Variants in UBN2 observed in about 807,000 individuals in gnomAD.
UBN2 encodes ubinuclein 2, also known as ubinuclein-2.
In UBN2, 35 loss-of-function variants were observed where a neutral mutation model predicts 120.2. That is an observed-to-expected ratio of 0.29 (90% CI 0.22 to 0.39). The LOEUF (loss-of-function observed/expected upper bound fraction) is 0.39, where lower values mean the gene tolerates loss of function less well. UBN2 is among the 10% of genes least tolerant of loss of function. The pLI, the probability that UBN2 is intolerant of heterozygous loss-of-function variation, is 1.00. For missense variants in UBN2, 1,693 were observed against 1,663.2 expected, an observed-to-expected ratio of 1.02 and a Z score of -0.31; for synonymous variants, 661 against 648.7, an observed-to-expected ratio of 1.02 and a Z score of -0.29.
At chr7:139,291,073 A>C (rs1475888290) in intron 15 of UBN2, among the ~76,000 whole-genome samples, 1 of 152,212 alleles carries the variant, frequency 6.6e-6, no homozygotes, top group Non-Finnish European at 1.5e-5. Context: ...GATCAAATTT[A>C]GATTTAGATG....
the UBN2 span, among the ~76,000 whole-genome samples, chr7:139,320,612 CT>C: frequency 6.6e-6 from 1 of 152,130 alleles, no homozygotes; most frequent in Admixed American, 6.6e-5. Flanking sequence ...AATCCCAACA[CT>C]TTGGGAGGCC....
intron 1 of UBN2, among the ~76,000 whole-genome samples, chr7:139,234,857 G>T (rs1177917187): frequency 6.6e-6 from 1 of 152,152 alleles, no homozygotes; most frequent in East Asian, 1.9e-4. Flanking sequence ...GATGAAATTT[G>T]TGAAAGACCT....
At chr7:139,294,198 G>GTTTA (rs1181264804) in intron 17 of UBN2, among the ~76,000 whole-genome samples, 1 of 152,176 alleles carries the variant, frequency 6.6e-6, no homozygotes, top group Non-Finnish European at 1.5e-5. Flanking sequence ...TTTTGAAGGT[G>GTTTA]TTTATTATGT....
At chr7:139,308,880 G>GC (rs1798408175), downstream of UBN2, among the ~76,000 whole-genome samples, 2 of 152,118 alleles carry the variant, frequency 1.3e-5, no homozygotes, top group Non-Finnish European at 1.5e-5. Flanking sequence ...GACCATCCTG[G>GC]CCAACATGGT....
chr7:139,261,120 A>C (rs1241505012), intron 5 of UBN2, 132 bp from the exon 6 acceptor site: 12 of 1,075,238 alleles, frequency 1.1e-5, no homozygotes, highest in Non-Finnish European at 1.6e-5. Context: ...TAATAGTATA[A>C]GTTAATAAGA....
At chr7:139,326,863 G>A in the UBN2 span, among the ~76,000 whole-genome samples, 1 of 152,160 alleles carries the variant, frequency 6.6e-6, no homozygotes, top group African/African-American at 2.4e-5. Flanking sequence ...ACTGCAAACT[G>A]TGGTGACTGT....
rs75419726 is a variant in UBN2, at chr7:139,290,403, T to C, written c.3670-2829T>C. Among the ~76,000 whole-genome samples, 1,118 of 152,300 alleles carry C rather than the reference T, an allele frequency of 7.3e-3. 21 individuals are homozygous for C. Among genetic ancestry groups the C allele is most frequent in the African/African-American group, 0.025 (1,028 of 41,562 alleles). On this transcript the variant is annotated intron_variant, in intron 15 of 17. Transcript: ENST00000473989. ...TAAGAAAAACTGTCAGGTTCAAACA[T>C]GGAGTGGTGAAGATTTGTACTTAAG...
chr7:139,269,294 A>G (rs1189368114), intron 7 of UBN2, 100 bp from the exon 8 acceptor site: 1 of 1,229,418 alleles, frequency 8.1e-7, no homozygotes, highest in African/African-American at 1.5e-5. Flanking sequence ...AAATCATGAA[A>G]AGATAAAATG....
At chr7:139,238,790 C>A (rs1022115545) in intron 2 of UBN2, among the ~76,000 whole-genome samples, 2 of 152,050 alleles carry the variant, frequency 1.3e-5, no homozygotes, top group African/African-American at 2.4e-5. Flanking sequence ...GTTCTCTATT[C>A]TGTGACTATA....
rs765886880 is a variant in UBN2 at position 139,251,917 on chromosome 7, A to G, written c.562-39A>G. The G allele has an allele frequency of 8.7e-5, 137 of 1,575,908 alleles. No individual in the cohort carries two copies. The Admixed American group carries it at 2.2e-3, about 26-fold the overall frequency. On this transcript the variant is annotated intron_variant, in intron 2 of 17. Coordinates refer to ENST00000473989, the MANE Select transcript of UBN2 (RefSeq NM_173569.4). ...TCTTTTTAAACTTTATGGAAACAGC[A>G]TGAGTACCAAATCAGTCTAATGTAT...
chr7:139,291,848 C>T (rs1049411859), intron 15 of UBN2, among the ~76,000 whole-genome samples: 8 of 150,778 alleles, frequency 5.3e-5, no homozygotes, highest in Non-Finnish European at 1.0e-4. Flanking sequence ...AGTGAAACCC[C>T]GTCTCTAAAA....
chr7:139,301,063 G>A lies in UBN2; in HGVS notation c.*3227G>A, dbSNP rs925775363. On this transcript the variant is annotated 3_prime_UTR_variant, in exon 18 of 18. Coordinates refer to ENST00000473989, the MANE Select transcript of UBN2 (RefSeq NM_173569.4). ...TGATACTTTGCGGAAATTAGAAGAT[G>A]GTGATAGTGCATTCTTTTGTGCCCA... 3.3e-5 allele frequency: 5 copies of A among 152,106 alleles called. No individual in the cohort carries two copies. 9.4% of individuals were successfully genotyped at this position (152,106 alleles called of 1,614,324 possible).
Position 139,300,894 on chromosome 7 carries a change from T to C in UBN2, c.*3058T>C, listed in dbSNP as rs956081392. 6.6e-6 allele frequency: 1 copy of C among 152,182 alleles called. No individual in the cohort carries two copies. Among genetic ancestry groups the C allele is most frequent in the African/African-American group, 2.4e-5 (1 of 41,424 alleles). The allele number at this position is 152,182 out of a possible 1,614,324, so 9.4% of individuals were successfully genotyped here. A position where few individuals can be genotyped will look rare whatever the true frequency, so the allele number is the denominator to read the frequency against. ...GCTCATTCAGAGCATCCAGAATAAATGCAAGCAATAATTTCCATTATAATT... is the reference window on the plus strand; with the variant it reads ...GCTCATTCAGAGCATCCAGAATAAACGCAAGCAATAATTTCCATTATAATT... On this transcript the variant is annotated 3_prime_UTR_variant, in exon 18 of 18. Transcript: ENST00000473989.
chr7:139,283,572 T>C lies in UBN2; in HGVS notation c.2667T>C (p.Thr889=). The C allele has an allele frequency of 6.2e-7, 1 of 1,614,176 alleles. No individual in the cohort carries two copies. Among genetic ancestry groups the C allele is most frequent in the Non-Finnish European group, 8.5e-7 (1 of 1,180,038 alleles). The change falls in exon 15 of 18, where the codon ACT becomes ACC. Residue 889 remains threonine, a synonymous_variant. Transcript: ENST00000473989. ...TTCAGAGGTCAAGCCAGATTCACACTTCTTCCTCTTCACAGACCCATGTCT... is the reference window on the plus strand; with the variant it reads ...TTCAGAGGTCAAGCCAGATTCACACCTCTTCCTCTTCACAGACCCATGTCT... ...QGLQRSSQIH[T]SSSSQTHVSS...
intron 6 of UBN2, 75 bp from the exon 7 acceptor site, chr7:139,266,258 T>C (rs1335208314): frequency 4.3e-6 from 4 of 937,090 alleles, no homozygotes; most frequent in Non-Finnish European, 3.3e-6. Context: ...AAAAAACCTT[T>C]GAACACGTGT....
chr7:139,231,955 A>G lies in UBN2; in HGVS notation c.468+3A>G. 1 of 1,576,110 alleles carries G rather than the reference A, an allele frequency of 6.3e-7. No homozygotes were observed. Among genetic ancestry groups the G allele is most frequent in the Non-Finnish European group, 8.6e-7 (1 of 1,167,858 alleles). ...TGCTGCTGTGCGGAGAACAACGGGT[A>G]CAGAAGATTCTTCCCTCCTGCCCCA... On this transcript the variant is annotated splice_donor_region_variant and intron_variant, in intron 1 of 17. Coordinates refer to ENST00000473989, the MANE Select transcript of UBN2 (RefSeq NM_173569.4).
chr7:139,269,246 G>GT (rs992329279), intron 7 of UBN2, 148 bp from the exon 8 acceptor site: 677 of 749,994 alleles, frequency 9.0e-4, no homozygotes, highest in South Asian at 1.4e-3. Context: ...ATTGCTATGG[G>GT]TTTTTTTTTA....
chr7:139,292,807 G>C (rs1797997996), intron 15 of UBN2, among the ~76,000 whole-genome samples: 1 of 152,128 alleles, frequency 6.6e-6, no homozygotes, highest in Non-Finnish European at 1.5e-5. Context: ...CCTTGGCCTC[G>C]TCTCTCTAAG....
intron 2 of UBN2, among the ~76,000 whole-genome samples, chr7:139,243,964 A>C (rs1796391043): frequency 6.6e-6 from 1 of 152,202 alleles, no homozygotes; most frequent in Non-Finnish European, 1.5e-5. Flanking sequence ...TTTGGTAGTG[A>C]ACATTTGGTG....
Sources: gnomAD v4.1 joint callset for allele counts (sites outside exome capture counted in the v4.1 genomes callset) on GRCh38, gnomAD v4.1.1 for gene constraint, MANE v1.5 for transcripts, NCBI Gene and HGNC (gene_info 2026-07-23, HGNC 2026-07-21) for gene names.